DNAH10: variants seen among roughly 807,000 people sequenced by gnomAD.
The protein encoded by DNAH10 is dynein axonemal heavy chain 10, also known as axonemal beta dynein heavy chain 10.
Under a neutral mutation model 506.6 loss-of-function variants are expected in DNAH10, and 348 were observed. The ratio of observed to expected loss-of-function variants is 0.69; its 90% confidence interval spans 0.63 to 0.75. The LOEUF (loss-of-function observed/expected upper bound fraction) is 0.75. Among genes scored for constraint, DNAH10 ranks in the 30% least tolerant of loss-of-function variants. The pLI is 0.00. For missense variants in DNAH10, 5,179 were observed against 5,787.1 expected (o/e 0.89, Z 3.41); for synonymous variants, 2,059 against 2,198.6 (o/e 0.94, Z 1.78).
chr12:123,780,816 G>T (rs1052837150), intron 5 of DNAH10, among the ~76,000 whole-genome samples: 7 of 151,730 alleles, frequency 4.6e-5, no homozygotes, highest in Middle Eastern at 3.2e-3. Context: ...GGGTGTGCTG[G>T]TGTGTGCCTG....
At chr12:123,766,233 GTCTATC>G (rs2135952734) in intron 1 of DNAH10, among the ~76,000 whole-genome samples, 1 of 151,028 alleles carries the variant, frequency 6.6e-6, no homozygotes, top group Admixed American at 6.6e-5. Flanking sequence ...CTGTCTGTCT[GTCTATC>G]TCTGTCTGTC....
rs545733506 is a variant in DNAH10, at chr12:123,826,840, G to A, written c.4333G>A (p.Ala1445Thr). The A allele has an allele frequency of 1.2e-6, 2 of 1,613,968 alleles. No homozygotes were observed. Among genetic ancestry groups the A allele is most frequent in the Admixed American group, 1.7e-5 (1 of 60,006 alleles). The change falls in exon 25 of 79, where the codon GCA (alanine) becomes ACA (threonine). Residue 1445 changes from alanine (A) to threonine (T), a missense_variant. This residue lies in a region of DNAH10 where 4,844 missense variants were observed against 5,430.5 expected (regional missense o/e 0.89). Coordinates refer to ENST00000673944, the MANE Select transcript of DNAH10 (RefSeq NM_001372106.1). Reference protein sequence around the residue: ...VTYYLEAKMKAFKDSIPLLLD... With the variant: ...VTYYLEAKMKTFKDSIPLLLD... ...CTACTACTTGGAAGCAAAAATGAAGGCATTCAAAGACTCGATTCCTTTACT... is the reference window on the plus strand; with the variant it reads ...CTACTACTTGGAAGCAAAAATGAAGACATTCAAAGACTCGATTCCTTTACT...
chr12:123,819,165 A>T lies in DNAH10; in HGVS notation c.3915A>T (p.Ile1305=). 6.2e-7 allele frequency: 1 copy of T among 1,613,542 alleles called. No individual in the cohort carries two copies. The highest frequency in any genetic ancestry group is 8.5e-7 in the Non-Finnish European group (1 of 1,179,738). ...TTTCTCAGCTTACTCGAGGCGAAAT[A>T]ATGAACTACAGAGTTCAGATAGAGG... ...RTFTELTRGE[I]MNYRVQIEEF... The change falls in exon 23 of 79, where the codon ATA becomes ATT. Residue 1305 remains isoleucine (I), a synonymous_variant. Transcript: ENST00000673944.
intron 17 of DNAH10, among the ~76,000 whole-genome samples, 156 bp from the exon 18 acceptor site, chr12:123,804,677 A>T (rs1442621307): frequency 6.6e-6 from 1 of 152,116 alleles, no homozygotes; most frequent in Non-Finnish European, 1.5e-5. Flanking sequence ...TTTGTTGCTT[A>T]GTGTGTGTTC....
At chr12:123,826,415 C>T (rs1959996567) in intron 24 of DNAH10, among the ~76,000 whole-genome samples, 1 of 152,214 alleles carries the variant, frequency 6.6e-6, no homozygotes, top group Non-Finnish European at 1.5e-5. Context: ...TTATACCTCT[C>T]ACTTTTGTCT....
rs944512319 is a variant in DNAH10 at position 123,926,944 on chromosome 12, C to A, written c.12105+124C>A. On this transcript the variant is annotated intron_variant, in intron 69 of 78. Transcript: ENST00000673944. The surrounding 1 kb of genome is among the most constrained non-coding windows in gnomAD (Gnocchi z 4.1). ...CAAATCAGTTGGATGCATTTCCGAG[C>A]TAAGAAGCAGTAATGAAACACTGGG... The A allele has an allele frequency of 5.6e-6, 6 of 1,077,942 alleles. No individual in the cohort carries two copies. The African/African-American group carries it at 6.4e-5, about 12-fold the overall frequency. 66.8% of individuals were successfully genotyped at this position (1,077,942 alleles called of 1,614,324 possible).
chr12:123,854,447 C>G (rs1313030277), intron 36 of DNAH10, among the ~76,000 whole-genome samples: 1 of 152,208 alleles, frequency 6.6e-6, no homozygotes, highest in East Asian at 1.9e-4. Context: ...TCACTGCACT[C>G]ACTACTGGCT....
intron 10 of DNAH10, 29 bp downstream of exon 10, chr12:123,788,031 T>G (rs1957930915): frequency 6.4e-7 from 1 of 1,551,914 alleles, no homozygotes; most frequent in Admixed American, 2.0e-5. Context: ...CCGGCGGAAT[T>G]TGCCCCGAAG....
At chr12:123,771,255 C>T (rs1191618872) in intron 2 of DNAH10, among the ~76,000 whole-genome samples, 1 of 152,202 alleles carries the variant, frequency 6.6e-6, no homozygotes, top group Non-Finnish European at 1.5e-5. Context: ...TAGGCATGAG[C>T]CACTGCGCCT....
At position 123,917,659 on chromosome 12, in the gene DNAH10, G is replaced by C; in HGVS notation, c.11078G>C (p.Arg3693Pro). Residue 3693 changes from arginine to proline, a missense_variant, in exon 64 of 79, where the codon CGG becomes CCG. This residue lies in a region of DNAH10 where 4,844 missense variants were observed against 5,430.5 expected (regional missense o/e 0.89). Transcript: ENST00000673944. This position sits in a 1 kb window ranked among gnomAD's most constrained non-coding sequence, Gnocchi z 5.6. ...AYERRELEEQ[R>P]EHLIQETSEN... Reference sequence around the variant, plus strand: ...GAGAGGCGGGAGCTGGAGGAGCAGCGGGAGCACCTCATCCAGGAGACCAGC... The same window carrying C: ...GAGAGGCGGGAGCTGGAGGAGCAGCCGGAGCACCTCATCCAGGAGACCAGC... 6.4e-7 allele frequency: 1 copy of C among 1,551,830 alleles called. No homozygotes were observed. Among genetic ancestry groups the C allele is most frequent in the Non-Finnish European group, 8.7e-7 (1 of 1,147,168 alleles).
At chr12:123,803,321 G>C (rs543062935) in intron 16 of DNAH10, among the ~76,000 whole-genome samples, 1 of 152,340 alleles carries the variant, frequency 6.6e-6, no homozygotes, top group East Asian at 1.9e-4. Flanking sequence ...GGCCAGAGGA[G>C]GCTGCGGGCA....
Position 123,877,830 on chromosome 12 carries a change from C to T in DNAH10, c.8294C>T (p.Pro2765Leu), listed in dbSNP as rs542043753. Residue 2765 changes from proline to leucine, a missense_variant, in exon 48 of 79, where the codon CCG becomes CTG. This residue lies in a region of DNAH10 where 4,844 missense variants were observed against 5,430.5 expected (regional missense o/e 0.89). Transcript: ENST00000673944. ...KNIVQDLPPT[P>L]SKFHYIFNLR... ...ATTGTGCAAGACCTACCTCCCACTC[C>T]GTCAAAGTTCCATTACATCTTCAAC... 4.8e-5 allele frequency: 77 copies of T among 1,613,988 alleles called. No individual in the cohort carries two copies. In the South Asian group the frequency reaches 6.5e-4, roughly 14 times the overall value.
intron 10 of DNAH10, among the ~76,000 whole-genome samples, chr12:123,789,508 T>G (rs1168139074): frequency 3.9e-5 from 6 of 151,986 alleles, no homozygotes; most frequent in Non-Finnish European, 8.8e-5. Context: ...CTCAGCCTCC[T>G]GAGTAGCTGG....
chr12:123,905,047 G>A (rs890270199), intron 57 of DNAH10, among the ~76,000 whole-genome samples: 5 of 152,182 alleles, frequency 3.3e-5, no homozygotes, highest in Non-Finnish European at 5.9e-5. Flanking sequence ...GGTTCTGAGG[G>A]TTTGGAGAGC....
At chr12:123,927,573 A>C (rs965795077) in intron 69 of DNAH10, 24 of 152,594 alleles carry the variant, frequency 1.6e-4, no homozygotes, top group African/African-American at 5.5e-4. Context: ...GCCTCTCTGC[A>C]TCACAGTGCT....
Position 123,879,636 on chromosome 12 carries a change from A to G in DNAH10, c.8469A>G (p.Val2823=), listed in dbSNP as rs774017903. 10 of 1,613,970 alleles carry G rather than the reference A, an allele frequency of 6.2e-6. No homozygotes were observed. Among genetic ancestry groups the G allele is most frequent in the Admixed American group, 5.0e-5 (3 of 60,024 alleles). Residue 2823 remains valine (V), a splice_region_variant and synonymous_variant, in exon 50 of 79, where the codon GTA becomes GTG. Coordinates refer to ENST00000673944, the MANE Select transcript of DNAH10 (RefSeq NM_001372106.1). The part of the protein sequence containing the change: ...RLISETDKQL[V]QQHIGSLVVE... ...CTTAAGTGGGCTTCTGTTTCAAGGT[A>G]CAACAGCACATAGGCAGCTTGGTTG...
At chr12:123,808,153 C>T (rs937138136) in intron 18 of DNAH10, among the ~76,000 whole-genome samples, 2 of 152,186 alleles carry the variant, frequency 1.3e-5, no homozygotes, top group Non-Finnish European at 2.9e-5. Flanking sequence ...CCACTTCAGC[C>T]TCCTGAATAT....
intron 5 of DNAH10, among the ~76,000 whole-genome samples, chr12:123,780,160 TC>T (rs1957591002): frequency 1.5e-5 from 2 of 137,408 alleles, no homozygotes; most frequent in Admixed American, 1.5e-4. Context: ...TCTCTCTCTC[TC>T]TCTCTCTCTC....
rs772799935 is a variant in DNAH10 at position 123,826,790 on chromosome 12, G to C, written c.4283G>C (p.Arg1428Pro). The C allele has an allele frequency of 7.7e-5, 124 of 1,613,792 alleles. No individual in the cohort carries two copies. The highest frequency in any genetic ancestry group is 9.9e-5 in the Non-Finnish European group (117 of 1,179,872). Residue 1428 changes from arginine (R) to proline (P), a missense_variant, in exon 25 of 79, where the codon CGG becomes CCG. Physicochemically the swap from Arg to Pro is moderately radical, Grantham distance 103. Coordinates refer to ENST00000673944, the MANE Select transcript of DNAH10 (RefSeq NM_001372106.1). ...GFLRALRKLP[R>P]PVRGLSVTYY... is the part of the protein sequence containing the mutation. ...CTCAGGGCTCTCAGAAAGCTACCTC[G>C]GCCAGTCCGTGGCTTATCAGTGACC...
Sources: gnomAD v4.1 joint callset for allele counts (sites outside exome capture counted in the v4.1 genomes callset) on GRCh38, gnomAD v4.1.1 for gene constraint, gnomAD v4.1.1 regional missense constraint, Gnocchi (gnomAD v3.1) non-coding constraint, MANE v1.5 for transcripts, NCBI Gene and HGNC (gene_info 2026-07-23, HGNC 2026-07-21) for gene names.